SMYD3: variants seen among roughly 807,000 people sequenced by gnomAD.
SMYD3 encodes histone-lysine N-methyltransferase SMYD3.
A neutral mutation model predicts 57.7 loss-of-function variants in SMYD3; 36 were observed. That is an observed-to-expected ratio of 0.62 (90% CI 0.48 to 0.82). SMYD3 has a LOEUF of 0.82. Among genes scored for constraint, SMYD3 ranks in the 40% least tolerant of loss-of-function variants. SMYD3 has a pLI of 0.00. For missense variants in SMYD3, 515 were observed against 538.8 expected, an observed-to-expected ratio of 0.96 and a Z score of 0.44; for synonymous variants, 211 against 195.0, an observed-to-expected ratio of 1.08 and a Z score of -0.68.
chr1:245,886,123 T>C (rs1210575537), intron 8 of SMYD3, among the ~76,000 whole-genome samples: 3 of 152,234 alleles, frequency 2.0e-5, no homozygotes, highest in Admixed American at 6.5e-5. Flanking sequence ...AAAAGCAAGA[T>C]AATTCCAAAT....
chr1:245,847,936 T>C (rs982907084), intron 10 of SMYD3, among the ~76,000 whole-genome samples: 1 of 152,156 alleles, frequency 6.6e-6, no homozygotes, highest in Middle Eastern at 3.2e-3. Context: ...CACAAACAAA[T>C]GTTTTCCTGT....
At chr1:246,473,453 C>G (rs2067987442) in intron 1 of SMYD3, among the ~76,000 whole-genome samples, 1 of 152,170 alleles carries the variant, frequency 6.6e-6, no homozygotes, top group Non-Finnish European at 1.5e-5. Flanking sequence ...TGGACTAGCT[C>G]TGTAAATTAC....
chr1:246,501,541 AC>A (rs2103078077), intron 1 of SMYD3, among the ~76,000 whole-genome samples: 1 of 152,292 alleles, frequency 6.6e-6, no homozygotes, highest in Non-Finnish European at 1.5e-5. Context: ...TTCTCTGACC[AC>A]ATGAGGACCT....
chr1:246,327,967 G>A (rs1040763683), intron 4 of SMYD3, among the ~76,000 whole-genome samples: 1 of 152,168 alleles, frequency 6.6e-6, no homozygotes, highest in Admixed American at 6.5e-5. Flanking sequence ...GCCAAGACGG[G>A]CAGATCACTT....
chr1:246,185,357 C>T (rs2062616308), intron 5 of SMYD3, among the ~76,000 whole-genome samples: 1 of 151,698 alleles, frequency 6.6e-6, no homozygotes, highest in Admixed American at 6.6e-5. Flanking sequence ...CTGCCTCATT[C>T]TCCTGAGTAG....
At chr1:246,266,650 G>A (rs966277169) in intron 5 of SMYD3, among the ~76,000 whole-genome samples, 2 of 152,002 alleles carry the variant, frequency 1.3e-5, no homozygotes, top group Admixed American at 1.3e-4. Context: ...AAATCAGCTG[G>A]GCATGGTGGT....
chr1:246,357,748 T>G (rs1245435433), intron 1 of SMYD3, among the ~76,000 whole-genome samples: 1 of 152,170 alleles, frequency 6.6e-6, no homozygotes, highest in African/African-American at 2.4e-5. Context: ...ATACAGTCTT[T>G]TAAGACAAAT....
chr1:246,242,905 C>G (rs1366905888), intron 5 of SMYD3, among the ~76,000 whole-genome samples: 2 of 152,144 alleles, frequency 1.3e-5, no homozygotes, highest in Non-Finnish European at 2.9e-5. Context: ...AGCTAACTAT[C>G]CTAAATATAT....
rs2065892017 is a variant in SMYD3, at chr1:246,355,178, TACGGAC to T, written c.165-90_165-85del. On this transcript the variant is annotated intron_variant, in intron 1 of 11. Coordinates refer to ENST00000490107, the MANE Select transcript of SMYD3 (RefSeq NM_001167740.2). The surrounding 1 kb of genome is among the most constrained non-coding windows in gnomAD (Gnocchi z 5.0). ...TGAAGAAAGAAAACATAAGTCAACA[TACGGAC>T]ACCCGTATGTTCTGTTTACTCCATT... The T allele has an allele frequency of 7.5e-7, 1 of 1,340,756 alleles. No individual in the cohort carries two copies. Among genetic ancestry groups the T allele is most frequent in the African/African-American group, 1.4e-5 (1 of 69,192 alleles). 83.1% of individuals were successfully genotyped at this position (1,340,756 alleles called of 1,614,324 possible). A position where few individuals can be genotyped will look rare whatever the true frequency, so the allele number is the denominator to read the frequency against.
At chr1:245,804,450 C>G (rs528628011) in intron 10 of SMYD3, among the ~76,000 whole-genome samples, 1 of 151,936 alleles carries the variant, frequency 6.6e-6, no homozygotes, top group Non-Finnish European at 1.5e-5. Flanking sequence ...CCCAGCTACT[C>G]GGGAGGCTGA....
In SMYD3 at chr1:245,928,348, C is replaced by T. The variant is rs571934762; in HGVS notation, c.600-315G>A. On this transcript the variant is annotated intron_variant, in intron 6 of 11. Transcript: ENST00000490107. Reference sequence around the variant, plus strand: ...TAACAGTCAATAAGGCAACCCAACACGAAGGTCAGAAAGAAACTGACTCAG... The same window carrying T: ...TAACAGTCAATAAGGCAACCCAACATGAAGGTCAGAAAGAAACTGACTCAG... Among the ~76,000 whole-genome samples, 13 of 152,216 alleles carry T rather than the reference C, an allele frequency of 8.5e-5. No individual in the cohort carries two copies. In the South Asian group the frequency reaches 1.9e-3, roughly 22 times the overall value.
chr1:246,244,607 C>T (rs377321272), intron 5 of SMYD3, among the ~76,000 whole-genome samples: 4 of 152,098 alleles, frequency 2.6e-5, no homozygotes, highest in Admixed American at 6.5e-5. Flanking sequence ...GTGAAAGATG[C>T]TATGTCAGTC....
intron 1 of SMYD3, among the ~76,000 whole-genome samples, chr1:246,429,299 T>G (rs1322274151): frequency 6.6e-6 from 1 of 152,140 alleles, no homozygotes; most frequent in East Asian, 1.9e-4. Flanking sequence ...TATAACCTTA[T>G]GGTATAACTT....
At chr1:245,896,177 A>C (rs1403824799) in intron 8 of SMYD3, among the ~76,000 whole-genome samples, 1 of 152,120 alleles carries the variant, frequency 6.6e-6, no homozygotes, top group Non-Finnish European at 1.5e-5. Context: ...ATGCACACAT[A>C]CTTGGAAGCC....
At chr1:245,927,366 T>C (rs2056443260) in intron 7 of SMYD3, among the ~76,000 whole-genome samples, 1 of 152,202 alleles carries the variant, frequency 6.6e-6, no homozygotes. Context: ...CTCCCTGTCC[T>C]CTATTCCCTT....
At chr1:245,854,189 G>A (rs538834401) in intron 10 of SMYD3, among the ~76,000 whole-genome samples, 6 of 152,302 alleles carry the variant, frequency 3.9e-5, no homozygotes, top group South Asian at 4.1e-4. Flanking sequence ...CAGAAACAAC[G>A]GAAGTCAACG....
At chr1:246,128,270 T>C (rs2061537408) in intron 5 of SMYD3, among the ~76,000 whole-genome samples, 1 of 152,224 alleles carries the variant, frequency 6.6e-6, no homozygotes, top group Admixed American at 6.5e-5. Context: ...ATTTCATAGC[T>C]CTTACCAGTT....
intron 5 of SMYD3, among the ~76,000 whole-genome samples, chr1:246,293,801 T>C (rs2064742086): frequency 6.6e-6 from 1 of 152,126 alleles, no homozygotes. Context: ...TCCTAATTAG[T>C]GCCCTATTCT....
At chr1:246,242,799 TC>T (rs59063596) in intron 5 of SMYD3, among the ~76,000 whole-genome samples, 31,284 of 151,556 alleles carry the variant, frequency 0.21, 3,913 homozygotes, top group East Asian at 0.58. Flanking sequence ...GGGGTTGCAA[TC>T]CTAGTCTCTG....
Sources: allele counts gnomAD v4.1 joint callset (sites outside exome capture counted in the v4.1 genomes callset), GRCh38; gene constraint gnomAD v4.1.1; non-coding constraint Gnocchi (gnomAD v3.1); transcripts MANE v1.5; gene names NCBI Gene and HGNC (gene_info 2026-07-23, HGNC 2026-07-21).